The following TMLHE variants were observed in gnomAD, a reference collection of about 807,000 sequenced individuals.
TMLHE encodes the protein trimethyllysine hydroxylase, epsilon, also known as trimethyllysine dioxygenase, mitochondrial.
TMLHE carries 18 observed loss-of-function variants against 25.7 expected under a neutral mutation model. The ratio of observed to expected loss-of-function variants is 0.70; its 90% confidence interval spans 0.48 to 1.04. TMLHE has a LOEUF of 1.04. Among genes scored for constraint, TMLHE ranks in the 50% least tolerant of loss-of-function variants. The pLI is 0.00. For missense variants in TMLHE, 236 were observed against 259.0 expected (o/e 0.91, Z 0.61); for synonymous variants, 105 against 97.0 (o/e 1.08, Z -0.49).
intron 4 of TMLHE, among the ~76,000 whole-genome samples, chrX:155,512,500 A>T (rs886336163): frequency 9.1e-6 from 1 of 110,480 alleles, no homozygotes; most frequent in African/African-American, 3.3e-5. Context: ...ACATGAACTC[A>T]TCATTTTTTA....
Position 155,538,051 on chromosome X carries a change from A to C in TMLHE, c.181+7045T>G, listed in dbSNP as rs960028504. On this transcript the variant is annotated intron_variant, in intron 2 of 7. Transcript: ENST00000334398. ...TCATTAACTATAGTCATTTTGCTGT[A>C]TGATAGATCTCTTGAAATGTATTCC... Among the ~76,000 whole-genome samples the C allele has an allele frequency of 1.3e-4, 14 of 111,359 alleles. No individual in the cohort carries two copies. In the South Asian group the frequency reaches 4.9e-3, roughly 39 times the overall value.
rs1290296702 is a variant in TMLHE at position 155,514,203 on chromosome X, G to T, written c.421C>A (p.Gln141Lys). Residue 141 changes from glutamine (Q) to lysine (K), a missense_variant, in exon 4 of 8, where the codon CAG (glutamine) becomes AAG (lysine). Gln to Lys is a moderately conservative substitution (Grantham distance 53). This residue lies in a region of TMLHE where 217 missense variants were observed against 214.6 expected (regional missense o/e 1.01). Coordinates refer to ENST00000334398, the MANE Select transcript of TMLHE (RefSeq NM_018196.4). ...CTAGGCTGGATGACTTTTTGTTTCTGCCCTTCATAGCTGTTTTTCACCAGC... is the reference window on the plus strand; with the variant it reads ...CTAGGCTGGATGACTTTTTGTTTCTTCCCTTCATAGCTGTTTTTCACCAGC... ...NWLVKNSYEG[Q>K]KQKVIQPRIL... 32 of 1,208,276 alleles carry T rather than the reference G, an allele frequency of 2.6e-5. No homozygotes were observed. Among genetic ancestry groups the T allele is most frequent in the Non-Finnish European group, 3.2e-5 (29 of 894,299 alleles).
At chrX:155,544,422 G>T (rs1438807634) in intron 2 of TMLHE, among the ~76,000 whole-genome samples, 1 of 111,895 alleles carries the variant, frequency 8.9e-6, no homozygotes, top group Non-Finnish European at 1.9e-5. Flanking sequence ...GCAGAGATTG[G>T]AGTCATGCTG....
chrX:155,603,369 T>TGAATGAATGAAAGAAA (rs1341300723), intron 1 of TMLHE, among the ~76,000 whole-genome samples: 1 of 99,288 alleles, frequency 1.0e-5, no homozygotes, highest in African/African-American at 3.9e-5. Context: ...AAAGAAAGAA[T>TGAATGAATGAAAGAAA]GAAAGAAAGA....
chrX:155,547,388 C>A (rs1052953723), intron 1 of TMLHE, among the ~76,000 whole-genome samples: 1 of 110,862 alleles, frequency 9.0e-6, no homozygotes. Flanking sequence ...TCGTGATCCG[C>A]CGCCTCAGCC....
chrX:155,605,241 A>C (rs2067780115), intron 1 of TMLHE, among the ~76,000 whole-genome samples: 1 of 112,045 alleles, frequency 8.9e-6, no homozygotes, highest in African/African-American at 3.2e-5. Context: ...TAGAGCTGAA[A>C]AACATAATAC....
At chrX:155,538,944 G>C (rs1057044149) in intron 2 of TMLHE, among the ~76,000 whole-genome samples, 1 of 110,869 alleles carries the variant, frequency 9.0e-6, no homozygotes, top group Non-Finnish European at 1.9e-5. Context: ...AGAAAAAAAA[G>C]ACCCTCCTTC....
chrX:155,609,680 T>C (rs1310328496), intron 1 of TMLHE, among the ~76,000 whole-genome samples: 1 of 112,173 alleles, frequency 8.9e-6, no homozygotes. Context: ...TACATCTCAA[T>C]AGTAAGGAAG....
rs868911665 is a variant in TMLHE, at chrX:155,548,294, C to A, written c.-1-3017G>T. On this transcript the variant is annotated intron_variant, in intron 1 of 7. Transcript: ENST00000334398. ...ACTGTACATCAAAGGATACAACCAA[C>A]AAAGTGAAGGGACAACCTGGAGAAT... 6.3e-5 allele frequency among the ~76,000 whole-genome samples: 7 copies of A among 111,895 alleles called. No individual in the cohort carries two copies. The South Asian group carries it at 1.5e-3, about 24-fold the overall frequency.
At chrX:155,600,510 A>G (rs2067749600) in intron 1 of TMLHE, among the ~76,000 whole-genome samples, 1 of 112,099 alleles carries the variant, frequency 8.9e-6, no homozygotes, top group Admixed American at 9.5e-5. Flanking sequence ...GGCTGACTAG[A>G]GGCACAAGAC....
chrX:155,534,111 G>A (rs1276408727), intron 2 of TMLHE, among the ~76,000 whole-genome samples: 2 of 111,860 alleles, frequency 1.8e-5, no homozygotes, highest in East Asian at 5.6e-4. Context: ...CAGAAAAACT[G>A]CCAGCTGGGA....
At chrX:155,603,369 T>TGAAAGAAAGAAAGAAAGAAAGAAA (rs202078084) in intron 1 of TMLHE, among the ~76,000 whole-genome samples, 5 of 99,288 alleles carry the variant, frequency 5.0e-5, no homozygotes, top group African/African-American at 1.9e-4. Flanking sequence ...AAAGAAAGAA[T>TGAAAGAAAGAAAGAAAGAAAGAAA]GAAAGAAAGA....
intron 1 of TMLHE, among the ~76,000 whole-genome samples, chrX:155,550,285 C>T (rs1426263593): frequency 9.1e-6 from 1 of 110,417 alleles, no homozygotes; most frequent in Non-Finnish European, 1.9e-5. Context: ...GATGCATAGT[C>T]GCAATCCTAA....
At chrX:155,549,747 C>CTT (rs1557339751) in intron 1 of TMLHE, among the ~76,000 whole-genome samples, 1 of 109,719 alleles carries the variant, frequency 9.1e-6, no homozygotes, top group Non-Finnish European at 1.9e-5. Context: ...TAAAATTGTA[C>CTT]TTTAAGTTCT....
chrX:155,590,716 C>A (rs1353391509), intron 1 of TMLHE, among the ~76,000 whole-genome samples: 2 of 110,353 alleles, frequency 1.8e-5, no homozygotes, highest in Admixed American at 1.9e-4. Flanking sequence ...ATAAAGACAT[C>A]AAAAATTAAT....
intron 1 of TMLHE, among the ~76,000 whole-genome samples, chrX:155,547,142 A>T (rs1384204213): frequency 9.2e-6 from 1 of 109,239 alleles, no homozygotes; most frequent in Non-Finnish European, 1.9e-5. Flanking sequence ...AATATTACTA[A>T]TAGGTACTTT....
intron 2 of TMLHE, among the ~76,000 whole-genome samples, chrX:155,532,463 G>T (rs1247192534): frequency 8.9e-6 from 1 of 111,789 alleles, no homozygotes; most frequent in African/African-American, 3.3e-5. Flanking sequence ...TCTTTACTGA[G>T]TCATTTTGTC....
chrX:155,542,077 T>G (rs1557338285), intron 2 of TMLHE, among the ~76,000 whole-genome samples: 2 of 111,680 alleles, frequency 1.8e-5, no homozygotes. Context: ...TTTTGGCTTT[T>G]GTTGCCATTG....
At chrX:155,560,589 TAAGGA>T (rs1557341697) in intron 1 of TMLHE, among the ~76,000 whole-genome samples, 1 of 39,143 alleles carries the variant, frequency 2.6e-5, no homozygotes, top group African/African-American at 4.6e-5. Context: ...GAGTTAGTCA[TAAGGA>T]TATCTGGGGT....
Sources: allele counts gnomAD v4.1 joint callset (sites outside exome capture counted in the v4.1 genomes callset), GRCh38; gene constraint gnomAD v4.1.1; regional missense constraint gnomAD v4.1.1; transcripts MANE v1.5; gene names NCBI Gene and HGNC (gene_info 2026-07-23, HGNC 2026-07-21).